The following FRMPD4 variants were observed in gnomAD, a reference collection of about 807,000 sequenced individuals.
FRMPD4 encodes FERM and PDZ domain containing 4, also known as FERM and PDZ domain-containing protein 4.
In FRMPD4, 22 loss-of-function variants were observed where a neutral mutation model predicts 94.1. The observed-to-expected ratio is 0.23, with a 90% CI of 0.17 to 0.33. FRMPD4 has a LOEUF of 0.33. Ranked by LOEUF, FRMPD4 falls within the 10% of genes least tolerant of loss-of-function variation. The pLI, the probability that FRMPD4 is intolerant of heterozygous loss-of-function variation, is 1.00. For synonymous variants in FRMPD4, 631 were observed against 548.6 expected (o/e 1.15, Z -2.10); for missense variants, 1,111 against 1,339.9 (o/e 0.83, Z 2.67).
chrX:11,949,660 G>T (rs2054209739), intron 3 of FRMPD4, among the ~76,000 whole-genome samples: 1 of 111,330 alleles, frequency 9.0e-6, no homozygotes, highest in Admixed American at 9.5e-5. Context: ...TATCTGGAAT[G>T]TCTCTGATTC....
intron 3 of FRMPD4, among the ~76,000 whole-genome samples, chrX:11,960,352 T>C (rs746263600): frequency 1.3e-4 from 14 of 111,792 alleles, no homozygotes; most frequent in African/African-American, 3.6e-4. Context: ...CTCCTTCGGG[T>C]GTCATCATGT....
At chrX:12,397,815 G>A (rs745921435) in intron 1 of FRMPD4, among the ~76,000 whole-genome samples, 328 of 111,695 alleles carry the variant, frequency 2.9e-3, no homozygotes, top group Non-Finnish European at 4.9e-3. Context: ...CAGCATGGTT[G>A]CTATTCACAA....
intron 1 of FRMPD4, among the ~76,000 whole-genome samples, chrX:12,175,125 G>A (rs1026613844): frequency 8.9e-6 from 1 of 112,000 alleles, no homozygotes; most frequent in African/African-American, 3.2e-5. Flanking sequence ...AAAAGATGGT[G>A]GTATGTGTTA....
intron 1 of FRMPD4, among the ~76,000 whole-genome samples, chrX:11,864,496 G>A (rs1263262308): frequency 5.4e-5 from 6 of 111,335 alleles, no homozygotes; most frequent in Non-Finnish European, 1.1e-4. Flanking sequence ...TGTACAGTAG[G>A]AGCTTTTGAT....
At chrX:12,417,637 T>A (rs76231326) in intron 1 of FRMPD4, among the ~76,000 whole-genome samples, 5 of 110,438 alleles carry the variant, frequency 4.5e-5, no homozygotes, top group Non-Finnish European at 9.5e-5. Context: ...CAGTTTTTTT[T>A]ATTATCTTGA....
In FRMPD4 at chrX:12,723,880, CTCA is replaced by C. The variant is rs2042284936; in HGVS notation, c.*2024_*2026del. On this transcript the variant is annotated 3_prime_UTR_variant, in exon 17 of 17. Transcript: ENST00000675598. The stretch of plus-strand genomic sequence containing the variant: ...AGCTACTTTTTCTAGTCTCAATTTC[CTCA>C]TAATAAAATGAAAATCAATTATAAG... 1 of 111,338 alleles carries C rather than the reference CTCA, an allele frequency of 9.0e-6. No individual in the cohort carries two copies. Among genetic ancestry groups the C allele is most frequent in the Admixed American group, 9.6e-5 (1 of 10,425 alleles). 9.2% of individuals were successfully genotyped at this position (111,338 alleles called of 1,213,427 possible).
intron 3 of FRMPD4, among the ~76,000 whole-genome samples, chrX:11,882,513 C>G (rs1007939749): frequency 3.1e-4 from 35 of 111,553 alleles, no homozygotes; most frequent in African/African-American, 1.1e-3. Context: ...CATGACGCTA[C>G]AAGTGGAAAA....
At chrX:11,898,240 G>A (rs1017811257) in intron 3 of FRMPD4, among the ~76,000 whole-genome samples, 1 of 111,197 alleles carries the variant, frequency 9.0e-6, no homozygotes, top group Admixed American at 9.5e-5. Flanking sequence ...TGCCCTGGCG[G>A]TTTTAAGCAG....
chrX:11,966,514 C>G (rs2054310326), intron 3 of FRMPD4, among the ~76,000 whole-genome samples: 1 of 110,231 alleles, frequency 9.1e-6, no homozygotes, highest in African/African-American at 3.3e-5. Context: ...ATTATAGCAG[C>G]CCAGATTTAT....
intron 13 of FRMPD4, among the ~76,000 whole-genome samples, chrX:12,709,735 AGTTAAT>A (rs1431621894): frequency 8.9e-6 from 1 of 112,461 alleles, no homozygotes; most frequent in Non-Finnish European, 1.9e-5. Context: ...TAACTTAACT[AGTTAAT>A]GTTAATTTAC....
intron 1 of FRMPD4, among the ~76,000 whole-genome samples, chrX:12,315,877 A>G (rs1481253330): frequency 2.7e-5 from 3 of 111,625 alleles, no homozygotes. Flanking sequence ...GTGGTTCTCA[A>G]CAGGGGGTAG....
intron 1 of FRMPD4, among the ~76,000 whole-genome samples, chrX:11,859,593 C>T (rs942802420): frequency 8.9e-6 from 1 of 112,215 alleles, no homozygotes; most frequent in African/African-American, 3.2e-5. Flanking sequence ...AAGTAGTTTG[C>T]TTTGCTGTGC....
intron 1 of FRMPD4, among the ~76,000 whole-genome samples, chrX:12,332,935 T>C (rs1377164663): frequency 1.8e-5 from 2 of 111,909 alleles, no homozygotes; most frequent in Non-Finnish European, 3.8e-5. Context: ...CCCTGTTTTA[T>C]ATGGAATGGC....
At chrX:12,036,351 G>A (rs2054720165) in intron 3 of FRMPD4, among the ~76,000 whole-genome samples, 1 of 111,696 alleles carries the variant, frequency 9.0e-6, no homozygotes, top group Non-Finnish European at 1.9e-5. Flanking sequence ...AAAGACAAAG[G>A]CAGAGGCATG....
chrX:12,686,065 A>C (rs775144295), intron 6 of FRMPD4, 32 bp from the exon 7 acceptor site: 1 of 709,673 alleles, frequency 1.4e-6, no homozygotes, highest in Non-Finnish European at 2.3e-6. Flanking sequence ...AATTTGATCA[A>C]TTTATGCCCT....
chrX:12,139,396 C>G (rs1397964583), intron 1 of FRMPD4, among the ~76,000 whole-genome samples: 2 of 111,010 alleles, frequency 1.8e-5, no homozygotes, highest in Non-Finnish European at 3.8e-5. Context: ...GCCTTCCAAG[C>G]TGCAAAGACC....
chrX:12,490,358 G>C (rs995872987), intron 1 of FRMPD4, among the ~76,000 whole-genome samples: 2 of 110,501 alleles, frequency 1.8e-5, no homozygotes, highest in African/African-American at 6.6e-5. Context: ...GTGAACTTTG[G>C]GGGACACGCT....
chrX:12,475,621 G>C (rs751581070), intron 1 of FRMPD4, among the ~76,000 whole-genome samples: 23 of 111,974 alleles, frequency 2.1e-4, no homozygotes, highest in African/African-American at 7.5e-4. Context: ...AAAGTCTCAC[G>C]ATACAAAATC....
intron 5 of FRMPD4, among the ~76,000 whole-genome samples, chrX:12,676,621 AAAAG>A (rs754646922): frequency 1.7e-4 from 19 of 112,381 alleles, no homozygotes; most frequent in Non-Finnish European, 3.2e-4. Flanking sequence ...TAAACTTAGA[AAAAG>A]AAAGAAGAGT....
Sources: gnomAD v4.1 joint callset for allele counts (sites outside exome capture counted in the v4.1 genomes callset) on GRCh38, gnomAD v4.1.1 for gene constraint, MANE v1.5 for transcripts, NCBI Gene and HGNC (gene_info 2026-07-23, HGNC 2026-07-21) for gene names.